The following SNTG1 variants were observed in gnomAD, a reference collection of about 807,000 sequenced individuals.
SNTG1 encodes syntrophin gamma 1.
In SNTG1, 39 loss-of-function variants were observed where a neutral mutation model predicts 74.7. The ratio of observed to expected loss-of-function variants is 0.52; its 90% CI spans 0.40 to 0.68. SNTG1 has a LOEUF of 0.68. Among genes scored for constraint, SNTG1 ranks in the 30% least tolerant of loss-of-function variants. The probability of loss-of-function intolerance (pLI) is 0.00; values close to 1 mark genes in which losing one functional copy is unlikely to be tolerated. For missense variants in SNTG1, 685 were observed against 609.5 expected, an observed-to-expected ratio of 1.12 and a Z score of -1.30; for synonymous variants, 254 against 217.1, an observed-to-expected ratio of 1.17 and a Z score of -1.49.
chr8:50,149,732 T>G (rs1397096771), intron 1 of SNTG1, among the ~76,000 whole-genome samples: 2 of 152,206 alleles, frequency 1.3e-5, no homozygotes, highest in African/African-American at 4.8e-5. Flanking sequence ...GAGGGCTCTG[T>G]TCTGTTCCAT....
At chr8:50,073,551 C>T (rs145134284) in intron 1 of SNTG1, among the ~76,000 whole-genome samples, 11 of 152,206 alleles carry the variant, frequency 7.2e-5, no homozygotes, top group Non-Finnish European at 8.8e-5. Context: ...TTATTAATGA[C>T]ATTTGGAATG....
chr8:50,423,486 C>G (rs1031317614), intron 4 of SNTG1, among the ~76,000 whole-genome samples: 7 of 152,216 alleles, frequency 4.6e-5, no homozygotes, highest in Non-Finnish European at 1.0e-4. Flanking sequence ...CTCAACATGA[C>G]TATAAAACCT....
In SNTG1 at chr8:50,574,845, C is replaced by A. The variant is rs983534908; in HGVS notation, c.811-16034C>A. On this transcript the variant is annotated intron_variant, in intron 12 of 18. Transcript: ENST00000642720. ...TGCTGACTATTTATTTGCATAAGAACATGAATTTTTTTATTCTCATGAACC... is the reference window on the plus strand; with the variant it reads ...TGCTGACTATTTATTTGCATAAGAAAATGAATTTTTTTATTCTCATGAACC... Among the ~76,000 whole-genome samples, 7 of 152,080 alleles carry A rather than the reference C, an allele frequency of 4.6e-5. No homozygotes were observed. In the South Asian group the frequency reaches 1.4e-3, roughly 31 times the overall value.
rs115938620 is a variant in SNTG1 at position 50,641,179 on chromosome 8, C to T, written c.850-15730C>T. ...TTCATGATCACTGACCTGAAGTACA[C>T]GCCTAAAGCAACCTGCAATTATTCT... is the stretch of plus-strand genomic sequence containing the variant. On this transcript the variant is annotated intron_variant, in intron 13 of 18. Transcript: ENST00000642720. Among the ~76,000 whole-genome samples the T allele has an allele frequency of 6.6e-5, 10 of 152,156 alleles. 1 individual carries two copies. Among genetic ancestry groups the T allele is most frequent in the Admixed American group, 3.9e-4 (6 of 15,282 alleles).
chr8:50,023,270 T>C (rs1027634467), intron 1 of SNTG1, among the ~76,000 whole-genome samples: 30 of 152,298 alleles, frequency 2.0e-4, no homozygotes, highest in African/African-American at 7.2e-4. Context: ...TAAGCTAGTA[T>C]TCCATTACCT....
At chr8:50,074,000 T>C (rs1428837592) in intron 1 of SNTG1, among the ~76,000 whole-genome samples, 2 of 150,950 alleles carry the variant, frequency 1.3e-5, no homozygotes, top group Non-Finnish European at 2.9e-5. Context: ...AAGTGAACGT[T>C]AGCTTCAACT....
chr8:50,094,047 A>C (rs1350647624), intron 1 of SNTG1, among the ~76,000 whole-genome samples: 1 of 152,144 alleles, frequency 6.6e-6, no homozygotes, highest in Non-Finnish European at 1.5e-5. Flanking sequence ...TTGGAGTATG[A>C]GGCAGTATGC....
chr8:50,568,296 C>T (rs959034481), intron 12 of SNTG1, among the ~76,000 whole-genome samples: 2 of 150,766 alleles, frequency 1.3e-5, no homozygotes, highest in African/African-American at 4.9e-5. Flanking sequence ...GTGAATAGTG[C>T]TGCAATAAAC....
chr8:50,051,025 C>T (rs2130876646), intron 1 of SNTG1, among the ~76,000 whole-genome samples: 1 of 151,876 alleles, frequency 6.6e-6, no homozygotes. Flanking sequence ...ATGAAAAATC[C>T]ACATCTAATT....
chr8:50,404,577 A>G (rs1017678932), intron 4 of SNTG1, among the ~76,000 whole-genome samples: 1 of 152,110 alleles, frequency 6.6e-6, no homozygotes, highest in African/African-American at 2.4e-5. Context: ...CAATCAGTGG[A>G]ACATTCTAAA....
At chr8:50,613,788 G>A (rs1467193216) in intron 13 of SNTG1, among the ~76,000 whole-genome samples, 1 of 152,004 alleles carries the variant, frequency 6.6e-6, no homozygotes, top group Non-Finnish European at 1.5e-5. Flanking sequence ...ATAGAAAAAT[G>A]AAGACAACAT....
rs1339229701 is a variant in SNTG1 at position 50,228,596 on chromosome 8, C to A, written c.-28+55961C>A. On this transcript the variant is annotated intron_variant, in intron 2 of 18. Transcript: ENST00000642720. ...TTACAAGAGACTTCTCATCAAAAAC[C>A]AACCCAGCCAGAAAAGAGTGGAGTG... Among the ~76,000 whole-genome samples, 6 of 151,730 alleles carry A rather than the reference C, an allele frequency of 4.0e-5. No homozygotes were observed. The South Asian group carries it at 1.2e-3, about 32-fold the overall frequency.
intron 1 of SNTG1, among the ~76,000 whole-genome samples, chr8:50,117,596 G>T (rs1470886718): frequency 6.6e-6 from 1 of 152,080 alleles, no homozygotes; most frequent in East Asian, 1.9e-4. Context: ...CAGCAAAATT[G>T]TTTTCGCTCC....
intron 1 of SNTG1, among the ~76,000 whole-genome samples, chr8:50,168,172 T>C (rs914305470): frequency 1.3e-5 from 2 of 151,486 alleles, no homozygotes; most frequent in African/African-American, 4.9e-5. Context: ...CCCAACTTCC[T>C]GAAAAAAATC....
chr8:50,287,266 A>G (rs1257037019), intron 2 of SNTG1, among the ~76,000 whole-genome samples: 2 of 152,156 alleles, frequency 1.3e-5, no homozygotes, highest in Non-Finnish European at 2.9e-5. Context: ...GGCCTACTGA[A>G]TACTTACTAG....
chr8:50,177,676 G>T (rs1022013564), intron 2 of SNTG1, among the ~76,000 whole-genome samples: 6 of 152,142 alleles, frequency 3.9e-5, no homozygotes, highest in Admixed American at 3.9e-4. Context: ...GCCTTATAAG[G>T]CCCCTGCATA....
At chr8:50,685,787 T>C (rs970948470) in intron 15 of SNTG1, among the ~76,000 whole-genome samples, 1 of 152,200 alleles carries the variant, frequency 6.6e-6, no homozygotes, top group Admixed American at 6.5e-5. Flanking sequence ...CTCTAGAGAA[T>C]GGAGGAAGAG....
intron 1 of SNTG1, among the ~76,000 whole-genome samples, chr8:49,983,202 C>T (rs149846839): frequency 2.4e-4 from 37 of 152,244 alleles, no homozygotes; most frequent in Admixed American, 7.8e-4. Flanking sequence ...ATTTGAAACT[C>T]AGCTATAACT....
chr8:50,051,135 T>C lies in SNTG1; in HGVS notation c.-102-121426T>C, dbSNP rs571551138. ...TTATATTAAACATTGTAATAGAAGG[T>C]CTAGCCAGGTTAGTACGGCAAGAAA... On this transcript the variant is annotated intron_variant, in intron 1 of 18. Transcript: ENST00000642720. Among the ~76,000 whole-genome samples the C allele has an allele frequency of 5.7e-4, 87 of 151,978 alleles. 2 individuals are homozygous for C. Among genetic ancestry groups the C allele is most frequent in the Non-Finnish European group, 2.9e-5 (2 of 67,934 alleles).
Sources: allele counts gnomAD v4.1 joint callset (sites outside exome capture counted in the v4.1 genomes callset), GRCh38; gene constraint gnomAD v4.1.1; transcripts MANE v1.5; gene names NCBI Gene and HGNC (gene_info 2026-07-23, HGNC 2026-07-21).